The following SLC2A12 variants were observed in gnomAD, a reference collection of about 807,000 sequenced individuals.
SLC2A12 encodes solute carrier family 2, facilitated glucose transporter member 12.
SLC2A12 carries 23 observed loss-of-function variants against 41.8 expected under a neutral mutation model. That is an observed-to-expected ratio of 0.55 (90% CI 0.40 to 0.78). The LOEUF (loss-of-function observed/expected upper bound fraction) is 0.78, where lower values mean the gene tolerates loss of function less well. Among genes scored for constraint, SLC2A12 ranks in the 30% least tolerant of loss-of-function variants. SLC2A12 has a pLI of 0.00. For missense variants in SLC2A12, 654 were observed against 745.6 expected (o/e 0.88, Z 1.43); for synonymous variants, 295 against 285.9 (o/e 1.03, Z -0.32).
chr6:134,002,103 A>G lies in SLC2A12; in HGVS notation c.1594T>C (p.Phe532Leu). The G allele has an allele frequency of 6.2e-7, 1 of 1,600,038 alleles. No individual in the cohort carries two copies. Among genetic ancestry groups the G allele is most frequent in the Non-Finnish European group, 8.5e-7 (1 of 1,176,328 alleles). Reference sequence around the variant, plus strand: ...GCTAGACTCATGATTGTATATATAAAGCACACCCATGGCAGGCCAATAAGA... The same window carrying G: ...GCTAGACTCATGATTGTATATATAAGGCACACCCATGGCAGGCCAATAAGA... ...TDLIGLPWVC[F>L]IYTIMSLASL... The change falls in exon 4 of 5, where the codon TTT (phenylalanine) becomes CTT (leucine). Residue 532 changes from phenylalanine to leucine, a missense_variant. This residue lies in a region of SLC2A12 where 134 missense variants were observed against 180.5 expected (regional missense o/e 0.74). Coordinates refer to ENST00000275230, the MANE Select transcript of SLC2A12 (RefSeq NM_145176.3).
intron 2 of SLC2A12, 150 bp from the exon 3 acceptor site, chr6:134,007,084 T>C: frequency 3.7e-6 from 4 of 1,076,812 alleles, no homozygotes; most frequent in Non-Finnish European, 5.2e-6. Context: ...AACAGGACAG[T>C]AAAGGGACGT....
rs77219614 is a variant in SLC2A12, at chr6:134,044,148, A to T, written c.103+8230T>A. ...TCCTGTCTTCCAGGAGTCTCCAGGG[A>T]CTGGCTGAACTTCCCCCTTTGCTAT... On this transcript the variant is annotated intron_variant, in intron 1 of 4. Transcript: ENST00000275230. 3.3e-5 allele frequency among the ~76,000 whole-genome samples: 5 copies of T among 152,230 alleles called. No individual in the cohort carries two copies. In the East Asian group the frequency reaches 9.7e-4, roughly 30 times the overall value.
chr6:134,048,478 A>C (rs1384758902), intron 1 of SLC2A12, among the ~76,000 whole-genome samples: 1 of 152,120 alleles, frequency 6.6e-6, no homozygotes, highest in African/African-American at 2.4e-5. Flanking sequence ...CTGAGGCACA[A>C]AAATCACTTG....
At chr6:133,996,595 T>G (rs947449346) in intron 4 of SLC2A12, among the ~76,000 whole-genome samples, 1 of 152,218 alleles carries the variant, frequency 6.6e-6, no homozygotes, top group Non-Finnish European at 1.5e-5. Flanking sequence ...CTTGATACTG[T>G]AGTTTCCTTT....
At position 134,028,456 on chromosome 6, in the gene SLC2A12, G is replaced by A. The variant is rs763973418; in HGVS notation, c.1369C>T (p.Pro457Ser). 6.2e-7 allele frequency: 1 copy of A among 1,614,176 alleles called. No individual in the cohort carries two copies. Among genetic ancestry groups the A allele is most frequent in the East Asian group, 2.2e-5 (1 of 44,890 alleles). Residue 457 changes from proline (P) to serine (S), a missense_variant, in exon 2 of 5, where the codon CCA becomes TCA. Physicochemically the swap from Pro to Ser is moderately conservative, Grantham distance 74. This residue lies in a region of SLC2A12 where 411 missense variants were observed against 412.1 expected (regional missense o/e 1.00). Coordinates refer to ENST00000275230, the MANE Select transcript of SLC2A12 (RefSeq NM_145176.3). ...AAGGACAGCCATTTCAAAAAAGCTG[G>A]GACGTCCCCAGGGTCTGTGACTATC... ...YQIVTDPGDV[P>S]AFLKWLSLAS...
chr6:133,994,631 G>C (rs1014887570), intron 4 of SLC2A12, among the ~76,000 whole-genome samples: 3 of 152,192 alleles, frequency 2.0e-5, no homozygotes, highest in Non-Finnish European at 2.9e-5. Context: ...GGGAGGCTGA[G>C]GCAGGAGAAT....
At position 133,997,729 on chromosome 6, in the gene SLC2A12, C is replaced by T. The variant is rs181602051; in HGVS notation, c.1700+4268G>A. The stretch of plus-strand genomic sequence containing the variant: ...TCACTACCTGGGTGACAGAGTCATT[C>T]ATACTCCAAACCTCAGCATCATGCA... On this transcript the variant is annotated intron_variant, in intron 4 of 4. Transcript: ENST00000275230. Among the ~76,000 whole-genome samples, 224 of 152,264 alleles carry T rather than the reference C, an allele frequency of 1.5e-3. 2 individuals are homozygous for T. The highest frequency in any genetic ancestry group is 5.2e-3 in the African/African-American group (214 of 41,528).
chr6:134,006,256 C>A (rs1008894158), intron 3 of SLC2A12, among the ~76,000 whole-genome samples: 30 of 147,172 alleles, frequency 2.0e-4, no homozygotes, highest in African/African-American at 7.0e-4. Flanking sequence ...AAAATTCAGA[C>A]TGGAAAATTC....
At chr6:133,992,266 C>T (rs1776633936) in intron 4 of SLC2A12, among the ~76,000 whole-genome samples, 1 of 152,078 alleles carries the variant, frequency 6.6e-6, no homozygotes, top group Non-Finnish European at 1.5e-5. Flanking sequence ...TGCAACAAGG[C>T]AGTGTGTGTG....
At chr6:134,036,997 T>C (rs1478561691) in intron 1 of SLC2A12, among the ~76,000 whole-genome samples, 2 of 152,114 alleles carry the variant, frequency 1.3e-5, no homozygotes, top group African/African-American at 4.8e-5. Flanking sequence ...CATAACATTC[T>C]CCAGGCACCA....
chr6:134,022,202 A>T lies in SLC2A12; in HGVS notation c.1444+6179T>A, dbSNP rs190609127. Among the ~76,000 whole-genome samples the T allele has an allele frequency of 2.9e-3, 441 of 151,884 alleles. 3 individuals are homozygous for T. Among genetic ancestry groups the T allele is most frequent in the African/African-American group, 0.01 (431 of 41,420 alleles). ...TTAGCTTTCAGGTACCTAGGGTTCT[A>T]TTCCCAAATCTGTGTGCCCTCAATC... On this transcript the variant is annotated intron_variant, in intron 2 of 4. Coordinates refer to ENST00000275230, the MANE Select transcript of SLC2A12 (RefSeq NM_145176.3).
chr6:134,015,322 G>T lies in SLC2A12; in HGVS notation c.1445-8388C>A, dbSNP rs141180915. Among the ~76,000 whole-genome samples, 651 of 152,224 alleles carry T rather than the reference G, an allele frequency of 4.3e-3. 3 individuals are homozygous for T. The highest frequency in any genetic ancestry group is 0.013 in the African/African-American group (558 of 41,522). On this transcript the variant is annotated intron_variant, in intron 2 of 4. Transcript: ENST00000275230. ...ACTGGGGCCTATCGAAGGAGTGTGTGGGGGGAAGGAGAGCATCAGGAAGAA... is the reference window on the plus strand; with the variant it reads ...ACTGGGGCCTATCGAAGGAGTGTGTTGGGGGAAGGAGAGCATCAGGAAGAA...
At chr6:134,000,965 C>G (rs1230701847) in intron 4 of SLC2A12, among the ~76,000 whole-genome samples, 1 of 152,120 alleles carries the variant, frequency 6.6e-6, no homozygotes, top group Non-Finnish European at 1.5e-5. Flanking sequence ...AGCTCTAAGT[C>G]TGATAGAGAT....
intron 2 of SLC2A12, among the ~76,000 whole-genome samples, chr6:134,024,100 G>A (rs1777081670): frequency 6.6e-6 from 1 of 152,224 alleles, no homozygotes; most frequent in African/African-American, 2.4e-5. Context: ...TGGAGTGAGG[G>A]CCCAGCGAGT....
chr6:134,052,416 G>T lies in SLC2A12; in HGVS notation c.65C>A (p.Thr22Lys). The change falls in exon 1 of 5, where the codon ACG (threonine) becomes AAG (lysine). Residue 22 changes from threonine to lysine, a missense_variant. Around this residue, in one of 3 missense-constraint regions of SLC2A12, gnomAD observed 109 missense variants for 153.0 expected, o/e 0.71. Coordinates refer to ENST00000275230, the MANE Select transcript of SLC2A12 (RefSeq NM_145176.3). ...LLNQKGTAVE[T>K]EGSGSRHPPW... Reference sequence around the variant, plus strand: ...AGGATGCCGGCTGCCGCTGCCCTCCGTCTCCACGGCTGTCCCCTTCTGGTT... The same window carrying T: ...AGGATGCCGGCTGCCGCTGCCCTCCTTCTCCACGGCTGTCCCCTTCTGGTT... 1.2e-6 allele frequency: 2 copies of T among 1,613,204 alleles called. No homozygotes were observed. Among genetic ancestry groups the T allele is most frequent in the Non-Finnish European group, 8.5e-7 (1 of 1,179,976 alleles).
intron 4 of SLC2A12, 53 bp downstream of exon 4, chr6:134,001,944 C>CAAAAAA: frequency 1.3e-6 from 2 of 1,571,338 alleles, no homozygotes; most frequent in East Asian, 4.6e-5. Flanking sequence ...TATATAAAAG[C>CAAAAAA]TGCACTTTTG....
chr6:134,019,508 G>A (rs541921772), intron 2 of SLC2A12, among the ~76,000 whole-genome samples: 5 of 152,216 alleles, frequency 3.3e-5, no homozygotes, highest in Non-Finnish European at 7.3e-5. Flanking sequence ...GTGGGGAGTC[G>A]AGGTAAGATT....
chr6:134,002,698 T>C lies in SLC2A12; in HGVS notation c.1568-569A>G, dbSNP rs118063917. 9.6e-3 allele frequency among the ~76,000 whole-genome samples: 1,460 copies of C among 152,306 alleles called. 9 individuals are homozygous for C. The highest frequency in any genetic ancestry group is 0.027 in the Middle Eastern group (8 of 294). On this transcript the variant is annotated intron_variant, in intron 3 of 4. Coordinates refer to ENST00000275230, the MANE Select transcript of SLC2A12 (RefSeq NM_145176.3). ...TGAATAAATCATTTCATGCTGGCAA[T>C]ATTTCATCATTTTTAATAGCTTGCA... is the stretch of plus-strand genomic sequence containing the variant.
chr6:134,050,981 G>A (rs185245458), intron 1 of SLC2A12, among the ~76,000 whole-genome samples: 24 of 152,192 alleles, frequency 1.6e-4, no homozygotes, highest in Admixed American at 1.3e-3. Flanking sequence ...AGGCTGGAGT[G>A]CAGTGTCATG....
Sources: allele counts gnomAD v4.1 joint callset (sites outside exome capture counted in the v4.1 genomes callset), GRCh38; gene constraint gnomAD v4.1.1; regional missense constraint gnomAD v4.1.1; transcripts MANE v1.5; gene names NCBI Gene and HGNC (gene_info 2026-07-23, HGNC 2026-07-21).